Variants in SLC25A12 observed in about 807,000 individuals in gnomAD.
SLC25A12 encodes the protein solute carrier family 25 member 12, also known as electrogenic aspartate/glutamate antiporter SLC25A12, mitochondrial.
SLC25A12 carries 32 observed loss-of-function variants against 83.3 expected under a neutral mutation model. That is an observed-to-expected ratio of 0.38 (90% CI 0.29 to 0.52). The LOEUF (loss-of-function observed/expected upper bound fraction) is 0.52. Ranked by LOEUF, SLC25A12 falls within the 20% of genes least tolerant of loss-of-function variation. SLC25A12 has a pLI of 0.84. For missense variants in SLC25A12, 611 were observed against 835.6 expected, an observed-to-expected ratio of 0.73 and a Z score of 3.31; for synonymous variants, 267 against 291.1, an observed-to-expected ratio of 0.92 and a Z score of 0.84.
At chr2:171,837,531 A>G (rs974366842) in intron 5 of SLC25A12, among the ~76,000 whole-genome samples, 1 of 152,146 alleles carries the variant, frequency 6.6e-6, no homozygotes, top group African/African-American at 2.4e-5. Flanking sequence ...TAACCCTTAG[A>G]TTTTACTTGA....
chr2:171,819,386 T>TATAAA (rs372081688), intron 9 of SLC25A12, among the ~76,000 whole-genome samples: 14 of 115,138 alleles, frequency 1.2e-4, no homozygotes, highest in Admixed American at 2.2e-4. Context: ...TTATATATAA[T>TATAAA]ATATATTATA....
chr2:171,808,370 ATCTGAG>A (rs912493237), intron 13 of SLC25A12, among the ~76,000 whole-genome samples: 1 of 151,172 alleles, frequency 6.6e-6, no homozygotes, highest in Admixed American at 6.6e-5. Flanking sequence ...CTAAGTAAAT[ATCTGAG>A]TCTCTTGGTT....
chr2:171,882,223 C>T (rs970790813), intron 2 of SLC25A12, among the ~76,000 whole-genome samples: 2 of 152,132 alleles, frequency 1.3e-5, no homozygotes, highest in African/African-American at 4.8e-5. Context: ...CTGGTAACTG[C>T]ATGCTAATTT....
chr2:171,846,837 T>C (rs1203481626), intron 4 of SLC25A12, among the ~76,000 whole-genome samples: 1 of 152,194 alleles, frequency 6.6e-6, no homozygotes, highest in East Asian at 1.9e-4. Context: ...ACAAAAAGGA[T>C]ATTTATGAAC....
chr2:171,861,680 T>A (rs1219838688), intron 3 of SLC25A12, among the ~76,000 whole-genome samples: 2 of 152,160 alleles, frequency 1.3e-5, no homozygotes, highest in Non-Finnish European at 2.9e-5. Context: ...AGTGCTGGGA[T>A]CATAGGTGTG....
chr2:171,851,199 G>GTT (rs1208120509), intron 4 of SLC25A12, among the ~76,000 whole-genome samples: 29 of 144,546 alleles, frequency 2.0e-4, no homozygotes, highest in African/African-American at 7.1e-4. Flanking sequence ...TTTCTTGTTT[G>GTT]TTTTTTTTTT....
At chr2:171,883,442 C>G (rs1685738590) in intron 2 of SLC25A12, among the ~76,000 whole-genome samples, 1 of 152,152 alleles carries the variant, frequency 6.6e-6, no homozygotes, top group Admixed American at 6.6e-5. Flanking sequence ...CTCTGCTGCC[C>G]TCTGGATGAA....
chr2:171,872,863 CT>C (rs869161616), intron 2 of SLC25A12, among the ~76,000 whole-genome samples: 4 of 151,464 alleles, frequency 2.6e-5, no homozygotes, highest in East Asian at 1.9e-4. Context: ...AATACCCCCC[CT>C]TTTTTTTTCT....
At chr2:171,835,165 T>C (rs1356257164) in intron 6 of SLC25A12, among the ~76,000 whole-genome samples, 1 of 152,202 alleles carries the variant, frequency 6.6e-6, no homozygotes, top group Non-Finnish European at 1.5e-5. Flanking sequence ...ACAATAGTTA[T>C]TTAAACAGGA....
chr2:171,877,099 A>G (rs914524045), intron 2 of SLC25A12, among the ~76,000 whole-genome samples: 12 of 152,208 alleles, frequency 7.9e-5, no homozygotes, highest in African/African-American at 2.9e-4. Context: ...TAACATTCTA[A>G]AGCTTAAGAA....
At chr2:171,859,273 G>A (rs1373404738) in intron 3 of SLC25A12, among the ~76,000 whole-genome samples, 1 of 152,148 alleles carries the variant, frequency 6.6e-6, no homozygotes, top group Non-Finnish European at 1.5e-5. Context: ...ATATTCAGAT[G>A]TATCATGAAA....
intron 15 of SLC25A12, 37 bp downstream of exon 15, chr2:171,791,414 G>T: frequency 6.4e-7 from 1 of 1,557,954 alleles, no homozygotes; most frequent in Non-Finnish European, 8.9e-7. Context: ...TTAAATAATG[G>T]GAGAATTCTT....
intron 4 of SLC25A12, among the ~76,000 whole-genome samples, chr2:171,846,730 C>T (rs898669760): frequency 2.6e-5 from 4 of 152,182 alleles, no homozygotes; most frequent in Non-Finnish European, 4.4e-5. Flanking sequence ...TGCTTGAACT[C>T]GGGAGGCGGA....
chr2:171,867,638 G>C (rs963150308), intron 3 of SLC25A12, among the ~76,000 whole-genome samples: 2 of 151,090 alleles, frequency 1.3e-5, no homozygotes, highest in Admixed American at 6.6e-5. Flanking sequence ...GAGACCGTGG[G>C]GAGAGGGAGA....
intron 9 of SLC25A12, among the ~76,000 whole-genome samples, chr2:171,821,876 T>C (rs1333241829): frequency 6.6e-6 from 1 of 152,196 alleles, no homozygotes; most frequent in Non-Finnish European, 1.5e-5. Context: ...ATGACTGGTG[T>C]TCTGTACTAT....
chr2:171,838,479 T>TTA (rs3059619), intron 5 of SLC25A12, among the ~76,000 whole-genome samples: 152,191 of 152,200 alleles, frequency 1, 76,091 homozygotes, highest in Non-Finnish European at 1. Context: ...ACTCCCTGTC[T>TTA]TATATCTTTT....
chr2:171,798,901 T>G (rs1429907402), intron 13 of SLC25A12, among the ~76,000 whole-genome samples: 2 of 152,164 alleles, frequency 1.3e-5, no homozygotes, highest in African/African-American at 4.8e-5. Flanking sequence ...TATCCAACAT[T>G]ATAGTATTAA....
intron 5 of SLC25A12, among the ~76,000 whole-genome samples, chr2:171,842,792 C>T (rs967460527): frequency 8.6e-5 from 13 of 151,994 alleles, no homozygotes; most frequent in East Asian, 3.9e-4. Flanking sequence ...ACACTGTGAA[C>T]GTACTAAATG....
intron 17 of SLC25A12, among the ~76,000 whole-genome samples, chr2:171,785,887 G>A (rs1370100567): frequency 6.6e-6 from 1 of 151,768 alleles, no homozygotes; most frequent in African/African-American, 2.4e-5. Context: ...CTTCTGCCTT[G>A]GCCTCCCAGA....
Sources: allele counts gnomAD v4.1 joint callset (sites outside exome capture counted in the v4.1 genomes callset), GRCh38; gene constraint gnomAD v4.1.1; transcripts MANE v1.5; gene names NCBI Gene and HGNC (gene_info 2026-07-23, HGNC 2026-07-21).